DLG2: variants seen among roughly 807,000 people sequenced by gnomAD.
DLG2 encodes the protein discs large MAGUK scaffold protein 2.
Under a neutral mutation model 132.5 loss-of-function variants are expected in DLG2, and 45 were observed. The ratio of observed to expected loss-of-function variants is 0.34; its 90% CI spans 0.27 to 0.44. The LOEUF is 0.44. Ranked by LOEUF, DLG2 falls within the 20% of genes least tolerant of loss-of-function variation. DLG2 has a pLI of 1.00. For missense variants in DLG2, 1,045 were observed against 1,196.9 expected (o/e 0.87, Z 1.87); for synonymous variants, 424 against 419.6 (o/e 1.01, Z -0.13).
intron 6 of DLG2, among the ~76,000 whole-genome samples, chr11:84,654,984 C>T (rs1446640246): frequency 6.6e-6 from 1 of 152,178 alleles, no homozygotes; most frequent in East Asian, 1.9e-4. Context: ...TAAACAGAAG[C>T]CTCCTTGAGA....
intron 3 of DLG2, among the ~76,000 whole-genome samples, chr11:85,565,898 ACT>A (rs2077503024): frequency 6.6e-6 from 1 of 152,056 alleles, no homozygotes. Context: ...TCATGTGGTA[ACT>A]CTATATTTAA....
chr11:84,669,930 CT>C (rs1185784354), intron 6 of DLG2, among the ~76,000 whole-genome samples: 1 of 152,132 alleles, frequency 6.6e-6, no homozygotes, highest in Non-Finnish European at 1.5e-5. Flanking sequence ...AGACAAGAGC[CT>C]TCCTTGAAGA....
At chr11:84,989,912 A>T (rs896538581) in intron 6 of DLG2, among the ~76,000 whole-genome samples, 2 of 152,226 alleles carry the variant, frequency 1.3e-5, no homozygotes, top group Non-Finnish European at 2.9e-5. Flanking sequence ...TTTTCTACAA[A>T]TGGTGCTGGA....
chr11:84,650,865 G>GTATATATATATATATATATATA, intron 6 of DLG2, among the ~76,000 whole-genome samples: 1 of 87,834 alleles, frequency 1.1e-5, no homozygotes, highest in South Asian at 4.8e-4. Flanking sequence ...GTGTGTGTGT[G>GTATATATATATATATATATATA]TGTGTGTGTA....
intron 7 of DLG2, among the ~76,000 whole-genome samples, chr11:84,327,516 T>C (rs966437128): frequency 6.6e-6 from 1 of 152,246 alleles, no homozygotes; most frequent in Non-Finnish European, 1.5e-5. Flanking sequence ...TTTTCTGTTT[T>C]GAATCTTTTT....
At chr11:83,468,961 A>T (rs1421051559) in intron 25 of DLG2, among the ~76,000 whole-genome samples, 1 of 152,202 alleles carries the variant, frequency 6.6e-6, no homozygotes, top group African/African-American at 2.4e-5. Context: ...GGCCTCAGAT[A>T]GTGAGTCAAA....
intron 17 of DLG2, among the ~76,000 whole-genome samples, chr11:83,817,774 G>T (rs1296314032): frequency 6.6e-6 from 1 of 152,114 alleles, no homozygotes; most frequent in Non-Finnish European, 1.5e-5. Context: ...TATTTGAGAA[G>T]TTGAGGTGAG....
rs117809744 is a variant in DLG2 at position 83,655,630 on chromosome 11, T to G, written c.1826-22305A>C. Among the ~76,000 whole-genome samples, 618 of 152,332 alleles carry G rather than the reference T, an allele frequency of 4.1e-3. 2 individuals are homozygous for G. Among genetic ancestry groups the G allele is most frequent in the Non-Finnish European group, 5.9e-3 (399 of 68,024 alleles). On this transcript the variant is annotated intron_variant, in intron 18 of 27. Coordinates refer to ENST00000376104, the MANE Select transcript of DLG2 (RefSeq NM_001142699.3). The stretch of plus-strand genomic sequence containing the variant: ...AATAATAAAAATTCTGAGGAAAGTC[T>G]GAAGATATTTGATTTTATCATTTAC...
intron 3 of DLG2, among the ~76,000 whole-genome samples, chr11:85,351,228 A>G (rs1366543916): frequency 6.6e-6 from 1 of 152,238 alleles, no homozygotes; most frequent in African/African-American, 2.4e-5. Context: ...AATGGTGTAT[A>G]GGAATGCTTG....
chr11:84,528,391 C>A lies in DLG2; in HGVS notation c.519+6179G>T, dbSNP rs550776602. Among the ~76,000 whole-genome samples, 4 of 152,308 alleles carry A rather than the reference C, an allele frequency of 2.6e-5. No homozygotes were observed. In the South Asian group the frequency reaches 8.3e-4, roughly 32 times the overall value. On this transcript the variant is annotated intron_variant, in intron 7 of 27. Coordinates refer to ENST00000376104, the MANE Select transcript of DLG2 (RefSeq NM_001142699.3). Reference sequence around the variant, plus strand: ...AAAGCCCATCCTATCACTTAGGCAGCTGGTGTGCACCAAAGACAGATGAAT... The same window carrying A: ...AAAGCCCATCCTATCACTTAGGCAGATGGTGTGCACCAAAGACAGATGAAT...
intron 6 of DLG2, among the ~76,000 whole-genome samples, chr11:84,824,864 G>T (rs1486623680): frequency 6.6e-6 from 1 of 151,838 alleles, no homozygotes; most frequent in African/African-American, 2.4e-5. Context: ...CTTTTTAGCA[G>T]GTGGCCTCCC....
chr11:84,260,392 C>T lies in DLG2; in HGVS notation c.520-9101G>A, dbSNP rs138066963. Among the ~76,000 whole-genome samples the T allele has an allele frequency of 3.4e-4, 52 of 152,270 alleles. No individual in the cohort carries two copies. In the South Asian group the frequency reaches 3.7e-3, roughly 11 times the overall value. ...TCTTCAGATCTCCATCCTGCATGCT[C>T]GCCATATACGTACTTACACTTAGTA... On this transcript the variant is annotated intron_variant, in intron 7 of 27. Transcript: ENST00000376104.
chr11:83,831,870 C>G (rs1208573124), intron 17 of DLG2, among the ~76,000 whole-genome samples: 1 of 151,264 alleles, frequency 6.6e-6, no homozygotes, highest in African/African-American at 2.4e-5. Context: ...TAGAAGGAGA[C>G]AGCCAATAAA....
chr11:84,743,350 T>A (rs2064936954), intron 6 of DLG2, among the ~76,000 whole-genome samples: 1 of 152,236 alleles, frequency 6.6e-6, no homozygotes, highest in Non-Finnish European at 1.5e-5. Context: ...TGAAGGATCT[T>A]TAAGAGGCCA....
intron 15 of DLG2, among the ~76,000 whole-genome samples, chr11:83,927,310 C>T (rs2079160533): frequency 6.6e-6 from 1 of 152,024 alleles, no homozygotes; most frequent in African/African-American, 2.4e-5. Flanking sequence ...ATGAAAATCA[C>T]ATAAATAAAT....
At chr11:84,900,574 T>C (rs1304810255) in intron 6 of DLG2, among the ~76,000 whole-genome samples, 1 of 152,052 alleles carries the variant, frequency 6.6e-6, no homozygotes, top group African/African-American at 2.4e-5. Context: ...AGCTTAGTAG[T>C]TAAAATATAA....
At chr11:83,556,907 A>G (rs1304158548) in intron 19 of DLG2, among the ~76,000 whole-genome samples, 1 of 152,216 alleles carries the variant, frequency 6.6e-6, no homozygotes, top group African/African-American at 2.4e-5. Flanking sequence ...AGGCTGTCTA[A>G]CTGACCCCTG....
intron 6 of DLG2, among the ~76,000 whole-genome samples, chr11:85,010,525 G>A (rs1224328576): frequency 6.6e-6 from 1 of 151,976 alleles, no homozygotes; most frequent in Non-Finnish European, 1.5e-5. Context: ...TCTATAAAAC[G>A]TTCTAGTGGG....
intron 6 of DLG2, among the ~76,000 whole-genome samples, chr11:84,718,404 T>G (rs543807132): frequency 6.6e-6 from 1 of 152,092 alleles, no homozygotes; most frequent in Non-Finnish European, 1.5e-5. Context: ...AAAGTTAAAC[T>G]AATGTATTTC....
Sources: allele counts gnomAD v4.1 joint callset (sites outside exome capture counted in the v4.1 genomes callset), GRCh38; gene constraint gnomAD v4.1.1; transcripts MANE v1.5; gene names NCBI Gene and HGNC (gene_info 2026-07-23, HGNC 2026-07-21).